PDZD2: variants seen among roughly 807,000 people sequenced by gnomAD.
PDZD2 encodes PDZ domain-containing protein 2.
A neutral mutation model predicts 220.7 loss-of-function variants in PDZD2; 90 were observed. The observed-to-expected ratio is 0.41, with a 90% CI of 0.34 to 0.49. PDZD2 has a LOEUF of 0.49. PDZD2 is among the 20% of genes least tolerant of loss of function. The pLI is 0.28. For missense variants in PDZD2, 3,174 were observed against 3,608.5 expected (o/e 0.88, Z 3.08); for synonymous variants, 1,375 against 1,450.5 (o/e 0.95, Z 1.18).
At chr5:31,766,373 T>A (rs1752010168) in intron 1 of PDZD2, among the ~76,000 whole-genome samples, 1 of 152,208 alleles carries the variant, frequency 6.6e-6, no homozygotes, top group Admixed American at 6.5e-5. Context: ...TATTATTGTA[T>A]TCATTTTATC....
chr5:32,055,943 C>G (rs1431240505), intron 10 of PDZD2, among the ~76,000 whole-genome samples: 2 of 152,034 alleles, frequency 1.3e-5, no homozygotes, highest in Non-Finnish European at 2.9e-5. Flanking sequence ...TAAAATGGAG[C>G]AAAACGGGGA....
At chr5:31,877,065 G>A (rs1739368026) in intron 2 of PDZD2, among the ~76,000 whole-genome samples, 1 of 152,284 alleles carries the variant, frequency 6.6e-6, no homozygotes, top group South Asian at 2.1e-4. Flanking sequence ...CATGTGTCCT[G>A]CCTGGTTTAA....
rs1318217787 is a variant in PDZD2 at position 32,098,347 on chromosome 5, T to A, written c.7948-17T>A. 6.2e-7 allele frequency: 1 copy of A among 1,610,056 alleles called. No individual in the cohort carries two copies. The highest frequency in any genetic ancestry group is 8.5e-7 in the Non-Finnish European group (1 of 1,177,896). On this transcript the variant is annotated splice_polypyrimidine_tract_variant and intron_variant, in intron 22 of 24. Coordinates refer to ENST00000438447, the MANE Select transcript of PDZD2 (RefSeq NM_178140.4). This position sits in a 1 kb window ranked among gnomAD's most constrained non-coding sequence, Gnocchi z 4.1. ...AGTGGATCTGGTTTTTGTTCCCTTTTCCTTTCCTCATCCCAGGTCCACAGG... is the reference window on the plus strand; with the variant it reads ...AGTGGATCTGGTTTTTGTTCCCTTTACCTTTCCTCATCCCAGGTCCACAGG...
intron 2 of PDZD2, among the ~76,000 whole-genome samples, chr5:31,950,379 T>G (rs1357973274): frequency 6.6e-6 from 1 of 152,178 alleles, no homozygotes; most frequent in Non-Finnish European, 1.5e-5. Flanking sequence ...AGGCTGGATT[T>G]TATATACTTT....
At chr5:31,727,252 A>G (rs1195900347) in intron 1 of PDZD2, among the ~76,000 whole-genome samples, 1 of 152,240 alleles carries the variant, frequency 6.6e-6, no homozygotes, top group Non-Finnish European at 1.5e-5. Context: ...AAGAATAGGC[A>G]TGAGCTTGAT....
chr5:31,936,351 G>T, intron 2 of PDZD2: 1 of 987,018 alleles, frequency 1.0e-6, no homozygotes, highest in Non-Finnish European at 1.2e-6. Context: ...AAGCAGGTAG[G>T]ACGGGAGACC....
intron 12 of PDZD2, 81 bp downstream of exon 12, chr5:32,058,184 T>A (rs1194653651): frequency 1.3e-6 from 1 of 760,936 alleles, no homozygotes; most frequent in African/African-American, 1.7e-5. Flanking sequence ...TCTTCCTTGT[T>A]GTTCTATGAA....
At chr5:31,984,446 C>T (rs538964705) in intron 3 of PDZD2, among the ~76,000 whole-genome samples, 10 of 152,162 alleles carry the variant, frequency 6.6e-5, no homozygotes, top group South Asian at 2.1e-4. Context: ...CCATTTGAAA[C>T]GATAAACTGC....
intron 2 of PDZD2, chr5:31,936,029 C>G: frequency 4.2e-6 from 4 of 941,464 alleles, no homozygotes; most frequent in Non-Finnish European, 5.1e-6. Flanking sequence ...CCTTCTCTTA[C>G]AAACACAGCG....
intron 1 of PDZD2, among the ~76,000 whole-genome samples, chr5:31,753,616 T>C (rs1554070862): frequency 6.6e-6 from 1 of 152,124 alleles, no homozygotes; most frequent in Non-Finnish European, 1.5e-5. Context: ...AATAAATAAA[T>C]AAACAAACAA....
chr5:31,675,911 C>T (rs903919958), intron 1 of PDZD2, among the ~76,000 whole-genome samples: 1 of 152,080 alleles, frequency 6.6e-6, no homozygotes, highest in African/African-American at 2.4e-5. Context: ...CATGTGGCCC[C>T]GGCTAGCCTC....
At chr5:31,660,180 C>T (rs888591099) in intron 1 of PDZD2, among the ~76,000 whole-genome samples, 1 of 152,098 alleles carries the variant, frequency 6.6e-6, no homozygotes, top group African/African-American at 2.4e-5. Flanking sequence ...CACAATTCAA[C>T]CTTTAGGGAT....
intron 2 of PDZD2, among the ~76,000 whole-genome samples, chr5:31,944,047 A>G (rs1212772338): frequency 6.6e-6 from 1 of 152,354 alleles, no homozygotes; most frequent in Non-Finnish European, 1.5e-5. Flanking sequence ...TTTAGCAACT[A>G]TGTTGCTAGA....
At chr5:31,729,856 C>T (rs1749419324) in intron 1 of PDZD2, among the ~76,000 whole-genome samples, 1 of 150,918 alleles carries the variant, frequency 6.6e-6, no homozygotes, top group Admixed American at 6.6e-5. Flanking sequence ...GAGACTGAAT[C>T]TTGCTCTGTC....
chr5:31,779,457 C>T (rs965989703), intron 1 of PDZD2, among the ~76,000 whole-genome samples: 9 of 70,570 alleles, frequency 1.3e-4, no homozygotes, highest in African/African-American at 5.8e-4. Context: ...TCCCTGCAAG[C>T]TCCACCTCCC....
At chr5:31,762,024 G>A (rs546414921) in intron 1 of PDZD2, among the ~76,000 whole-genome samples, 38 of 152,256 alleles carry the variant, frequency 2.5e-4, no homozygotes, top group Admixed American at 1.4e-3. Flanking sequence ...GGTGGGGAAG[G>A]TGCCACACAC....
intron 4 of PDZD2, among the ~76,000 whole-genome samples, chr5:31,999,562 T>G (rs1490270298): frequency 6.6e-6 from 1 of 151,780 alleles, no homozygotes; most frequent in Non-Finnish European, 1.5e-5. Context: ...GAAAACAAGG[T>G]GCCGAGAGTG....
chr5:31,646,064 C>T lies in PDZD2; in HGVS notation c.-361+6627C>T, dbSNP rs997063978. Reference sequence around the variant, plus strand: ...GCACTGCGGGGGGGCCTTCTCACTACTGTCACTCCTAGGGAGATCTCAGGA... The same window carrying T: ...GCACTGCGGGGGGGCCTTCTCACTATTGTCACTCCTAGGGAGATCTCAGGA... On this transcript the variant is annotated intron_variant, in intron 1 of 24. Transcript: ENST00000438447. The surrounding 1 kb of genome is among the most constrained non-coding windows in gnomAD (Gnocchi z 4.7). Among the ~76,000 whole-genome samples, 4 of 152,038 alleles carry T rather than the reference C, an allele frequency of 2.6e-5. No homozygotes were observed. The highest frequency in any genetic ancestry group is 9.7e-5 in the African/African-American group (4 of 41,412).
At chr5:32,056,332 C>T (rs1739077028) in intron 10 of PDZD2, among the ~76,000 whole-genome samples, 1 of 76,134 alleles carries the variant, frequency 1.3e-5, no homozygotes, top group Non-Finnish European at 3.5e-5. Flanking sequence ...GAATTGTGCA[C>T]ACAGTGTGCT....
Sources: gnomAD v4.1 joint callset for allele counts (sites outside exome capture counted in the v4.1 genomes callset) on GRCh38, gnomAD v4.1.1 for gene constraint, Gnocchi (gnomAD v3.1) non-coding constraint, MANE v1.5 for transcripts, NCBI Gene and HGNC (gene_info 2026-07-23, HGNC 2026-07-21) for gene names.